Variants in PKN2 observed in about 807,000 individuals in gnomAD.
The protein encoded by PKN2 is serine/threonine-protein kinase N2.
In PKN2, 38 loss-of-function variants were observed where a neutral mutation model predicts 119.1. That is an observed-to-expected ratio of 0.32 (90% CI 0.25 to 0.42). PKN2 has a LOEUF of 0.42. Ranked by LOEUF, PKN2 falls within the 10% of genes least tolerant of loss-of-function variation. PKN2 has a pLI of 1.00. For synonymous variants in PKN2, 390 were observed against 384.9 expected (o/e 1.01, Z -0.15); for missense variants, 850 against 1,165.1 (o/e 0.73, Z 3.94).
intron 8 of PKN2, among the ~76,000 whole-genome samples, chr1:88,796,730 G>A (rs893031737): frequency 6.6e-6 from 1 of 152,148 alleles, no homozygotes; most frequent in Non-Finnish European, 1.5e-5. Flanking sequence ...ATATGCCACT[G>A]TATTGCCAGT....
At chr1:88,743,920 T>G (rs1167109721) in intron 2 of PKN2, among the ~76,000 whole-genome samples, 1 of 151,702 alleles carries the variant, frequency 6.6e-6, no homozygotes, top group Non-Finnish European at 1.5e-5. Flanking sequence ...AGATGATATA[T>G]GAAATATAAC....
chr1:88,771,635 G>T (rs756047550), intron 5 of PKN2, 28 bp from the exon 6 acceptor site: 3 of 1,598,574 alleles, frequency 1.9e-6, no homozygotes, highest in East Asian at 4.5e-5. Flanking sequence ...TTATTTAAAT[G>T]ACAACAATTG....
intron 8 of PKN2, among the ~76,000 whole-genome samples, chr1:88,789,429 G>C (rs1169338308): frequency 6.6e-6 from 1 of 152,034 alleles, no homozygotes; most frequent in Non-Finnish European, 1.5e-5. Flanking sequence ...TGGGGAGGCC[G>C]AGGCGGGCGG....
chr1:88,828,684 C>G, intron 19 of PKN2, 61 bp downstream of exon 19: 1 of 1,450,938 alleles, frequency 6.9e-7, no homozygotes, highest in Non-Finnish European at 9.5e-7. Flanking sequence ...TAAAGCATGT[C>G]ATTTATAAAA....
intron 18 of PKN2, among the ~76,000 whole-genome samples, chr1:88,825,534 G>A (rs1033447327): frequency 7.2e-5 from 11 of 152,118 alleles, no homozygotes; most frequent in East Asian, 1.9e-4. Context: ...ATTATCTTGC[G>A]TTCTATCCTG....
At chr1:88,791,083 T>C (rs1670813776) in intron 8 of PKN2, among the ~76,000 whole-genome samples, 1 of 152,190 alleles carries the variant, frequency 6.6e-6, no homozygotes. Flanking sequence ...ATTGTATATT[T>C]GGGCAAATGT....
intron 1 of PKN2, among the ~76,000 whole-genome samples, chr1:88,706,137 C>A (rs1257219737): frequency 3.3e-5 from 5 of 152,084 alleles, no homozygotes; most frequent in Non-Finnish European, 5.9e-5. Context: ...GTATGTCTTT[C>A]CATTTCTTTA....
At chr1:88,738,423 G>C (rs1375503434) in intron 1 of PKN2, among the ~76,000 whole-genome samples, 1 of 152,204 alleles carries the variant, frequency 6.6e-6, no homozygotes, top group Non-Finnish European at 1.5e-5. Context: ...GAAGATACTT[G>C]AAAGAGATAA....
chr1:88,696,430 A>G lies in PKN2; in HGVS notation c.48+11802A>G, dbSNP rs75031915. ...AGGGCTACATGTTCTCTTTTCTTTA[A>G]GTATGTGTACTGCTTTATGTCTCTG... is the stretch of plus-strand genomic sequence containing the variant. On this transcript the variant is annotated intron_variant, in intron 1 of 21. Transcript: ENST00000370521. Among the ~76,000 whole-genome samples, 4 of 152,286 alleles carry G rather than the reference A, an allele frequency of 2.6e-5. No homozygotes were observed. The East Asian group carries it at 7.7e-4, about 29-fold the overall frequency.
intron 18 of PKN2, among the ~76,000 whole-genome samples, chr1:88,824,778 T>C (rs959700248): frequency 1.3e-5 from 2 of 152,216 alleles, no homozygotes; most frequent in African/African-American, 4.8e-5. Context: ...TAGAGATAGG[T>C]ATCTCATGTA....
intron 8 of PKN2, among the ~76,000 whole-genome samples, chr1:88,797,674 C>T (rs1318482398): frequency 6.6e-6 from 1 of 151,910 alleles, no homozygotes; most frequent in Admixed American, 6.6e-5. Context: ...TCTTCCTTAC[C>T]TACTCTCATC....
At chr1:88,829,124 C>G in intron 19 of PKN2, 1 of 733,286 alleles carries the variant, frequency 1.4e-6, no homozygotes, top group Non-Finnish European at 2.6e-6. Context: ...AGGAGAAAAC[C>G]TATGGTAGCT....
chr1:88,784,275 C>T (rs1217098147), intron 6 of PKN2, among the ~76,000 whole-genome samples: 3 of 151,674 alleles, frequency 2.0e-5, no homozygotes, highest in Non-Finnish European at 4.4e-5. Flanking sequence ...AGGCGCACAC[C>T]GCCTCGCCCA....
intron 1 of PKN2, among the ~76,000 whole-genome samples, chr1:88,711,128 C>A (rs1394053023): frequency 1.3e-5 from 2 of 152,058 alleles, no homozygotes; most frequent in African/African-American, 4.8e-5. Flanking sequence ...ACAACAGACA[C>A]TGGAGCCTTT....
At chr1:88,723,567 A>G (rs1285823138) in intron 1 of PKN2, among the ~76,000 whole-genome samples, 1 of 152,100 alleles carries the variant, frequency 6.6e-6, no homozygotes, top group Non-Finnish European at 1.5e-5. Context: ...GATTACAGGC[A>G]TGTGCCACCA....
At chr1:88,760,048 T>G (rs1157442121) in intron 2 of PKN2, among the ~76,000 whole-genome samples, 174 bp from the exon 3 acceptor site, 1 of 127,010 alleles carries the variant, frequency 7.9e-6, no homozygotes, top group Admixed American at 7.2e-5. Flanking sequence ...AGATACGTGT[T>G]TTTTTTTTTT....
chr1:88,716,186 A>C (rs111279101), intron 1 of PKN2, among the ~76,000 whole-genome samples: 5 of 152,218 alleles, frequency 3.3e-5, no homozygotes, highest in African/African-American at 1.2e-4. Flanking sequence ...TTTCTTTTAC[A>C]TTTGCTGAGG....
At chr1:88,770,877 G>A (rs1208490552) in intron 4 of PKN2, among the ~76,000 whole-genome samples, 6 of 149,584 alleles carry the variant, frequency 4.0e-5, no homozygotes, top group Non-Finnish European at 8.9e-5. Context: ...GAGCCACCGC[G>A]CCCGGCCCTT....
chr1:88,815,394 C>T (rs1046881803), intron 16 of PKN2: 2 of 314,922 alleles, frequency 6.4e-6, no homozygotes, highest in South Asian at 2.6e-5. Flanking sequence ...TAAAATATCA[C>T]ATCACTAACC....
Sources: gnomAD v4.1 joint callset for allele counts (sites outside exome capture counted in the v4.1 genomes callset) on GRCh38, gnomAD v4.1.1 for gene constraint, MANE v1.5 for transcripts, NCBI Gene and HGNC (gene_info 2026-07-23, HGNC 2026-07-21) for gene names.